Variants in RELN observed in about 807,000 individuals in gnomAD.
RELN encodes the protein reelin.
Under a neutral mutation model 427.6 loss-of-function variants are expected in RELN, and 108 were observed. The observed-to-expected ratio is 0.25, with a 90% CI of 0.22 to 0.30. RELN has a LOEUF of 0.30. Among genes scored for constraint, RELN ranks in the 10% least tolerant of loss-of-function variants. The pLI is 1.00. For missense variants in RELN, 3,715 were observed against 4,302.8 expected (o/e 0.86, Z 3.82); for synonymous variants, 1,524 against 1,513.4 (o/e 1.01, Z -0.16).
chr7:103,752,770 A>C (rs1791038695), intron 5 of RELN, among the ~76,000 whole-genome samples: 1 of 152,198 alleles, frequency 6.6e-6, no homozygotes, highest in Non-Finnish European at 1.5e-5. Context: ...ACAATTCAGT[A>C]CTAATTTGAG....
In RELN at chr7:103,557,029, G is replaced by A. The variant is rs1222735174; in HGVS notation, c.5745C>T (p.Tyr1915=). Residue 1915 remains tyrosine (Y), a synonymous_variant, in exon 38 of 65, where the codon TAC becomes TAT. Coordinates refer to ENST00000428762, the MANE Select transcript of RELN (RefSeq NM_005045.4). The part of the protein sequence containing the change: ...NILFINVPLP[Y]TAQTNATRFR... ...ATCTTGTAGCATTGGTTTGGGCAGT[G>A]TATGGCAAGGGAACATTGATGAAAA... 6.2e-7 allele frequency: 1 copy of A among 1,613,720 alleles called. No homozygotes were observed. The highest frequency in any genetic ancestry group is 1.3e-5 in the African/African-American group (1 of 74,940).
At position 103,490,553 on chromosome 7, in the gene RELN, C is replaced by T. The variant is rs1217052052; in HGVS notation, c.9605+115G>A. 1.4e-5 allele frequency: 15 copies of T among 1,107,966 alleles called. No individual in the cohort carries two copies. In the Admixed American group the frequency reaches 2.2e-4, roughly 16 times the overall value. The allele number at this position is 1,107,966 out of a possible 1,614,324, so 68.6% of individuals were successfully genotyped here. A position where few individuals can be genotyped will look rare whatever the true frequency, so the allele number is the denominator to read the frequency against. The stretch of plus-strand genomic sequence containing the variant: ...GAAAAGGAGGGAAGATGGGAGAGGG[C>T]ACCAGGGCTGCATGTAAAGCTCTGC... On this transcript the variant is annotated intron_variant, in intron 59 of 64. Transcript: ENST00000428762.
chr7:103,949,102 C>T (rs1584393780), intron 1 of RELN, among the ~76,000 whole-genome samples: 3 of 150,706 alleles, frequency 2.0e-5, no homozygotes, highest in Non-Finnish European at 2.9e-5. Flanking sequence ...CACACACACG[C>T]ACACATATAT....
intron 2 of RELN, among the ~76,000 whole-genome samples, chr7:103,872,682 A>C (rs1204584717): frequency 1.4e-5 from 2 of 146,446 alleles, no homozygotes; most frequent in Non-Finnish European, 3.0e-5. Context: ...TCCCACCAAC[A>C]GTGTAAAAGT....
At chr7:103,934,162 T>C (rs994357859) in intron 1 of RELN, among the ~76,000 whole-genome samples, 5 of 152,202 alleles carry the variant, frequency 3.3e-5, no homozygotes, top group Non-Finnish European at 5.9e-5. Context: ...CTCAATAAGA[T>C]CTAGGAGACA....
intron 58 of RELN, among the ~76,000 whole-genome samples, 177 bp from the exon 59 acceptor site, chr7:103,491,006 A>G (rs1828631748): frequency 6.6e-6 from 1 of 152,250 alleles, no homozygotes; most frequent in South Asian, 2.1e-4. Flanking sequence ...CTCTTAAGAA[A>G]TATTCTGACT....
At chr7:103,792,042 G>C (rs138074815) in intron 3 of RELN, among the ~76,000 whole-genome samples, 18 of 152,202 alleles carry the variant, frequency 1.2e-4, no homozygotes, top group Non-Finnish European at 1.9e-4. Flanking sequence ...CCACAAGATA[G>C]AATAAAAAAA....
intron 1 of RELN, among the ~76,000 whole-genome samples, chr7:103,936,921 A>G (rs1263857245): frequency 2.6e-5 from 4 of 152,228 alleles, no homozygotes; most frequent in Non-Finnish European, 5.9e-5. Context: ...AAAAGTTAGC[A>G]TAAGATACTT....
chr7:103,836,441 C>A (rs1000375616), intron 2 of RELN, among the ~76,000 whole-genome samples: 1 of 152,188 alleles, frequency 6.6e-6, no homozygotes, highest in African/African-American at 2.4e-5. Context: ...CAGCACAGAA[C>A]AGAACATGTC....
intron 58 of RELN, 34 bp downstream of exon 58, chr7:103,491,919 G>C: frequency 7.2e-7 from 1 of 1,391,286 alleles, no homozygotes; most frequent in Non-Finnish European, 1.0e-6. Flanking sequence ...GGGTATTCAA[G>C]TTTGAAGATA....
intron 4 of RELN, among the ~76,000 whole-genome samples, chr7:103,756,912 G>GC (rs1489664957): frequency 2.0e-5 from 3 of 152,146 alleles, no homozygotes; most frequent in African/African-American, 7.2e-5. Flanking sequence ...ATGGGCCAAA[G>GC]CCTAGTAAAG....
rs377245454 is a variant in RELN at position 103,664,043 on chromosome 7, G to A, written c.1290-2516C>T. ...TGCTACCCAAGTCCCGGTTGTGTCAGTGAGAAGTGAAAACAAAGCAGAAGG... is the reference window on the plus strand; with the variant it reads ...TGCTACCCAAGTCCCGGTTGTGTCAATGAGAAGTGAAAACAAAGCAGAAGG... On this transcript the variant is annotated intron_variant, in intron 11 of 64. Transcript: ENST00000428762. Among the ~76,000 whole-genome samples, 36 of 152,260 alleles carry A rather than the reference G, an allele frequency of 2.4e-4. 1 individual carries two copies. The highest frequency in any genetic ancestry group is 8.2e-4 in the African/African-American group (34 of 41,550).
intron 2 of RELN, among the ~76,000 whole-genome samples, chr7:103,913,743 C>T (rs955944020): frequency 1.3e-5 from 2 of 152,122 alleles, no homozygotes; most frequent in Non-Finnish European, 2.9e-5. Context: ...TTACCTCCTG[C>T]TTTCCATTCT....
At chr7:103,612,947 T>C (rs571846819) in intron 20 of RELN, among the ~76,000 whole-genome samples, 30 of 152,206 alleles carry the variant, frequency 2.0e-4, no homozygotes, top group Non-Finnish European at 3.2e-4. Context: ...CACTAAAGTT[T>C]GTCCATCACA....
Position 103,589,819 on chromosome 7 carries a change from CTATGTT to C in RELN, c.3916_3921del (p.Asn1306_Ile1307del), listed in dbSNP as rs1410220671. 6.3e-7 allele frequency: 1 copy of C among 1,595,114 alleles called. No homozygotes were observed. Among genetic ancestry groups the C allele is most frequent in the African/African-American group, 1.3e-5 (1 of 74,496 alleles). On this transcript the variant is annotated inframe_deletion, in exon 28 of 65. Coordinates refer to ENST00000428762, the MANE Select transcript of RELN (RefSeq NM_005045.4). Reference sequence around the variant, plus strand: ...GTACTGCTGAATTGATTGGCACAACCTATGTTTAGCTGTTAAAAGGAAGGACAAGAA... The same window carrying C: ...GTACTGCTGAATTGATTGGCACAACCTAGCTGTTAAAAGGAAGGACAAGAA...
In RELN at chr7:103,489,899, A is replaced by G. The variant is rs1182969373; in HGVS notation, c.9606T>C (p.Ser3202=). Residue 3202 remains serine, a splice_region_variant and synonymous_variant, in exon 60 of 65, where the codon AGT becomes AGC. Transcript: ENST00000428762. ...TCTGGATCCAGCGGAACTGTGTTGC[A>G]CTGAAAGAACCACAGAGAGCAGAAG... The part of the protein sequence containing the change: ...TIQLPDHVSS[S]ATQFRWIQKG... The G allele has an allele frequency of 6.2e-7, 1 of 1,613,970 alleles. No individual in the cohort carries two copies. The highest frequency in any genetic ancestry group is 8.5e-7 in the Non-Finnish European group (1 of 1,180,012).
Position 103,886,770 on chromosome 7 carries a change from G to A in RELN, c.337+30305C>T, listed in dbSNP as rs188434684. 2.1e-4 allele frequency among the ~76,000 whole-genome samples: 32 copies of A among 152,190 alleles called. 1 individual carries two copies. The highest frequency in any genetic ancestry group is 6.5e-4 in the Admixed American group (10 of 15,280). ...CAGCCAATGTAAGAATGTATCTCAT[G>A]GCCAATAATAATTCTATACTCACAA... On this transcript the variant is annotated intron_variant, in intron 2 of 64. Coordinates refer to ENST00000428762, the MANE Select transcript of RELN (RefSeq NM_005045.4).
rs144828523 is a variant in RELN at position 103,534,335 on chromosome 7, C to T, written c.7349+981G>A. On this transcript the variant is annotated intron_variant, in intron 46 of 64. Transcript: ENST00000428762. Reference sequence around the variant, plus strand: ...TGTTAAAGCTTTCCTATAATTAGCACCTAGTTTAGATGGTGAAAGAGAGAG... The same window carrying T: ...TGTTAAAGCTTTCCTATAATTAGCATCTAGTTTAGATGGTGAAAGAGAGAG... 4.6e-5 allele frequency among the ~76,000 whole-genome samples: 7 copies of T among 152,234 alleles called. No homozygotes were observed. In the East Asian group the frequency reaches 1.3e-3, roughly 29 times the overall value.
At position 103,977,453 on chromosome 7, in the gene RELN, C is replaced by T. The variant is rs181772103; in HGVS notation, c.226+11678G>A. Among the ~76,000 whole-genome samples the T allele has an allele frequency of 7.2e-5, 11 of 151,922 alleles. No homozygotes were observed. The East Asian group carries it at 1.7e-3, about 24-fold the overall frequency. On this transcript the variant is annotated intron_variant, in intron 1 of 64. Transcript: ENST00000428762. ...GTGCAACTTTCAGAAGAGAAGAAGGCATTTCCACAAAACTAAAAAAGTGTT... is the reference window on the plus strand; with the variant it reads ...GTGCAACTTTCAGAAGAGAAGAAGGTATTTCCACAAAACTAAAAAAGTGTT...
Sources: gnomAD v4.1 joint callset for allele counts (sites outside exome capture counted in the v4.1 genomes callset) on GRCh38, gnomAD v4.1.1 for gene constraint, MANE v1.5 for transcripts, NCBI Gene and HGNC (gene_info 2026-07-23, HGNC 2026-07-21) for gene names.